The following MS4A4A variants were observed in gnomAD, a reference collection of about 807,000 sequenced individuals.
MS4A4A encodes the protein membrane-spanning 4-domains subfamily A member 4A.
A neutral mutation model predicts 28.0 loss-of-function variants in MS4A4A; 26 were observed. The observed-to-expected ratio is 0.93, with a 90% confidence interval of 0.68 to 1.29. The LOEUF (loss-of-function observed/expected upper bound fraction) is 1.29, where lower values mean the gene tolerates loss of function less well. Among genes scored for constraint, MS4A4A ranks in the 50% most tolerant of loss-of-function variants. The probability of loss-of-function intolerance (pLI) is 0.00; values close to 1 mark genes in which losing one functional copy is unlikely to be tolerated. For missense variants in MS4A4A, 290 were observed against 293.1 expected (o/e 0.99, Z 0.08); for synonymous variants, 86 against 100.8 (o/e 0.85, Z 0.88).
intron 2 of MS4A4A, among the ~76,000 whole-genome samples, chr11:60,293,486 T>A (rs1422307955): frequency 6.6e-6 from 1 of 152,218 alleles, no homozygotes; most frequent in Non-Finnish European, 1.5e-5. Flanking sequence ...CACCAGCATG[T>A]AACCTTTGTA....
At chr11:60,301,927 G>A (rs1395466662) in intron 4 of MS4A4A, among the ~76,000 whole-genome samples, 2 of 152,138 alleles carry the variant, frequency 1.3e-5, no homozygotes, top group East Asian at 3.8e-4. Context: ...TCACAGGCAT[G>A]TGCCACCACG....
chr11:60,308,155 C>CCCACA lies in MS4A4A; in HGVS notation c.702_706dup (p.Leu236HisfsTer22). ...TTCTCACATGGCAGAAACAGCATCT[C>CCCACA]CCACACCACTTAATGAGGTTTGAGG... On this transcript the variant is annotated frameshift_variant, in exon 7 of 7. Coordinates refer to ENST00000337908, the MANE Select transcript of MS4A4A (RefSeq NM_148975.3). LOFTEE classifies it high-confidence loss of function. The CCCACA allele has an allele frequency of 6.2e-7, 1 of 1,614,018 alleles. No individual in the cohort carries two copies. The highest frequency in any genetic ancestry group is 8.5e-7 in the Non-Finnish European group (1 of 1,179,930).
intron 1 of MS4A4A, among the ~76,000 whole-genome samples, chr11:60,289,278 G>C (rs1282869676): frequency 1.3e-5 from 2 of 152,112 alleles, no homozygotes; most frequent in Non-Finnish European, 2.9e-5. Flanking sequence ...GCTGAGCTCA[G>C]AGCCTGTGAA....
chr11:60,280,768 C>T, intron 1 of MS4A4A, 52 bp downstream of exon 1: 1 of 1,601,710 alleles, frequency 6.2e-7, no homozygotes, highest in Non-Finnish European at 8.5e-7. Context: ...GCTTGTTTCA[C>T]TTCCTGGGTT....
intron 3 of MS4A4A, among the ~76,000 whole-genome samples, chr11:60,298,456 A>G (rs2135025914): frequency 6.6e-6 from 1 of 152,190 alleles, no homozygotes; most frequent in South Asian, 2.1e-4. Context: ...CTCTTATTAA[A>G]CTCTTACTAT....
chr11:60,299,780 C>A (rs1565147645), intron 3 of MS4A4A, among the ~76,000 whole-genome samples: 1 of 152,134 alleles, frequency 6.6e-6, no homozygotes, highest in Non-Finnish European at 1.5e-5. Context: ...TTATATTTTA[C>A]CAGTAATGTT....
Position 60,292,211 on chromosome 11 carries a change from A to T in MS4A4A, c.42-14A>T. The T allele has an allele frequency of 6.5e-7, 1 of 1,527,710 alleles. No homozygotes were observed. Among genetic ancestry groups the T allele is most frequent in the South Asian group, 1.3e-5 (1 of 77,360 alleles). 94.6% of individuals were successfully genotyped at this position (1,527,710 alleles called of 1,614,324 possible). A position where few individuals can be genotyped will look rare whatever the true frequency, so the allele number is the denominator to read the frequency against. On this transcript the variant is annotated splice_polypyrimidine_tract_variant and intron_variant, in intron 1 of 6. Coordinates refer to ENST00000337908, the MANE Select transcript of MS4A4A (RefSeq NM_148975.3). Reference sequence around the variant, plus strand: ...TTTCCAGGACATCATACTAAATTACATTTCTTATTGTAGCACCTTTTCTGC... The same window carrying T: ...TTTCCAGGACATCATACTAAATTACTTTTCTTATTGTAGCACCTTTTCTGC...
intron 1 of MS4A4A, among the ~76,000 whole-genome samples, chr11:60,285,520 T>G (rs2084796057): frequency 2.6e-5 from 4 of 151,972 alleles, no homozygotes; most frequent in Admixed American, 2.6e-4. Flanking sequence ...TCCCCAATAT[T>G]TCAACATAGG....
intron 5 of MS4A4A, among the ~76,000 whole-genome samples, chr11:60,305,163 T>C (rs1228463955): frequency 1.3e-5 from 2 of 152,256 alleles, no homozygotes; most frequent in African/African-American, 2.4e-5. Flanking sequence ...ATTTTGACCA[T>C]GTTTCTTGGC....
At chr11:60,302,869 T>A (rs985953595) in intron 5 of MS4A4A, 152 bp downstream of exon 5, 2 of 761,830 alleles carry the variant, frequency 2.6e-6, no homozygotes, top group Non-Finnish European at 4.2e-6. Context: ...CATTTAGGAG[T>A]TAGGTACATG....
intron 1 of MS4A4A, among the ~76,000 whole-genome samples, chr11:60,284,947 C>CTT (rs2084791105): frequency 6.6e-6 from 1 of 152,074 alleles, no homozygotes; most frequent in African/African-American, 2.4e-5. Context: ...ACCAACTGCC[C>CTT]CAGAAGGGAG....
intron 2 of MS4A4A, among the ~76,000 whole-genome samples, chr11:60,296,254 G>C (rs565451328): frequency 6.6e-6 from 1 of 152,052 alleles, no homozygotes; most frequent in South Asian, 2.1e-4. Context: ...AACTGTGGGC[G>C]TAGAATTGTT....
chr11:60,287,522 A>C (rs1160559899), intron 1 of MS4A4A, among the ~76,000 whole-genome samples: 1 of 152,218 alleles, frequency 6.6e-6, no homozygotes, highest in Non-Finnish European at 1.5e-5. Flanking sequence ...TTTTCAAATG[A>C]GTTTTAGAGG....
In MS4A4A at chr11:60,302,644, A is replaced by C. The variant is rs568332186; in HGVS notation, c.473A>C (p.Tyr158Ser). 2.5e-6 allele frequency: 4 copies of C among 1,614,022 alleles called. No homozygotes were observed. In the African/African-American group the frequency reaches 5.3e-5, roughly 22 times the overall value. Residue 158 changes from tyrosine (Y) to serine (S), a missense_variant, in exon 5 of 7, where the codon TAT (tyrosine) becomes TCT (serine). By Grantham distance (144) the Tyr-to-Ser change is moderately radical. Transcript: ENST00000337908. Reference sequence around the variant, plus strand: ...ATCAACACATTTAGCTTGGCGTTTTATTCATTCCATCACCCTTACTGTAAC... The same window carrying C: ...ATCAACACATTTAGCTTGGCGTTTTCTTCATTCCATCACCCTTACTGTAAC... ...ILINTFSLAF[Y>S]SFHHPYCNYY... is the part of the protein sequence containing the mutation.
intron 3 of MS4A4A, among the ~76,000 whole-genome samples, chr11:60,299,510 T>TTA (rs1254545357): frequency 6.6e-6 from 1 of 151,386 alleles, no homozygotes; most frequent in African/African-American, 2.4e-5. Flanking sequence ...TTCGCTCTTA[T>TTA]TACCCAGGCT....
chr11:60,301,936 C>T (rs773915122), intron 4 of MS4A4A, among the ~76,000 whole-genome samples: 9 of 152,132 alleles, frequency 5.9e-5, no homozygotes, highest in Non-Finnish European at 1.3e-4. Flanking sequence ...TGTGCCACCA[C>T]GCCCAGCTAA....
chr11:60,302,248 G>A (rs1442976229), intron 4 of MS4A4A, among the ~76,000 whole-genome samples: 12 of 152,204 alleles, frequency 7.9e-5, no homozygotes, highest in African/African-American at 2.9e-4. Context: ...GCAAGGAGTG[G>A]CAGGGAAGGA....
chr11:60,288,980 G>A (rs1003886078), intron 1 of MS4A4A, among the ~76,000 whole-genome samples: 5 of 152,136 alleles, frequency 3.3e-5, no homozygotes, highest in Non-Finnish European at 7.4e-5. Flanking sequence ...CAGCAACTAA[G>A]ATGGGGGCAT....
At chr11:60,304,297 C>T (rs939593802) in intron 5 of MS4A4A, among the ~76,000 whole-genome samples, 10 of 152,214 alleles carry the variant, frequency 6.6e-5, no homozygotes, top group African/African-American at 2.4e-4. Flanking sequence ...GGCATGGGAC[C>T]TGTGCAGTTA....
Sources: gnomAD v4.1 joint callset for allele counts (sites outside exome capture counted in the v4.1 genomes callset) on GRCh38, gnomAD v4.1.1 for gene constraint, MANE v1.5 for transcripts, NCBI Gene and HGNC (gene_info 2026-07-23, HGNC 2026-07-21) for gene names.